The following CC2D1A variants were observed in gnomAD, a reference collection of about 807,000 sequenced individuals.
The protein encoded by CC2D1A is coiled-coil and C2 domain containing 1A, also known as coiled-coil and C2 domain-containing protein 1A.
Under a neutral mutation model 123.8 loss-of-function variants are expected in CC2D1A, and 68 were observed. The ratio of observed to expected loss-of-function variants is 0.55; its 90% CI spans 0.45 to 0.67. CC2D1A has a LOEUF of 0.67. CC2D1A is among the 30% of genes least tolerant of loss of function. CC2D1A has a pLI of 0.00. For synonymous variants in CC2D1A, 477 were observed against 528.0 expected (o/e 0.90, Z 1.32); for missense variants, 1,185 against 1,290.3 (o/e 0.92, Z 1.25).
chr19:13,913,046 C>A (rs1971058813), intron 4 of CC2D1A, 122 bp from the exon 5 acceptor site: 1 of 1,035,140 alleles, frequency 9.7e-7, no homozygotes, highest in Non-Finnish European at 1.4e-6. Flanking sequence ...ATGATTTCTG[C>A]CTCACTGGGG....
At position 13,914,756 on chromosome 19, in the gene CC2D1A, C is replaced by T. The variant is rs553927939; in HGVS notation, c.748+1118C>T. ...GCTCAAGCAATCCTCCCGCCTCAGC[C>T]TCCTGAGTAGCTGGGATTACAGGCA... On this transcript the variant is annotated intron_variant, in intron 6 of 28. Coordinates refer to ENST00000318003, the MANE Select transcript of CC2D1A (RefSeq NM_017721.5). 9.2e-5 allele frequency among the ~76,000 whole-genome samples: 14 copies of T among 152,250 alleles called. 1 individual carries two copies. The South Asian group carries it at 2.9e-3, about 32-fold the overall frequency.
chr19:13,917,755 G>A (rs751927656), intron 6 of CC2D1A, among the ~76,000 whole-genome samples: 2 of 152,124 alleles, frequency 1.3e-5, no homozygotes, highest in Non-Finnish European at 2.9e-5. Flanking sequence ...AAGGTGGGCG[G>A]ATCACCTGAG....
intron 6 of CC2D1A, among the ~76,000 whole-genome samples, chr19:13,916,607 T>C (rs1461704604): frequency 3.9e-5 from 6 of 152,118 alleles, no homozygotes; most frequent in African/African-American, 1.4e-4. Flanking sequence ...TACGTTTTGC[T>C]CAATTACATG....
At chr19:13,928,052 C>A in intron 23 of CC2D1A, 22 bp downstream of exon 23, 2 of 1,608,430 alleles carry the variant, frequency 1.2e-6, no homozygotes, top group South Asian at 1.1e-5. Flanking sequence ...CACCCCCACC[C>A]ATCAGCAACC....
chr19:13,930,517 C>A lies in CC2D1A; in HGVS notation c.*122C>A. ...CGGACAATCGGTTCTGGACTCACCC[C>A]TCATCCGGGCCCCCAGCCCCGCCAG... On this transcript the variant is annotated 3_prime_UTR_variant, in exon 29 of 29. Transcript: ENST00000318003. This position sits in a 1 kb window ranked among gnomAD's most constrained non-coding sequence, Gnocchi z 6.8. 2 of 1,173,774 alleles carry A rather than the reference C, an allele frequency of 1.7e-6. No individual in the cohort carries two copies. The highest frequency in any genetic ancestry group is 2.3e-6 in the Non-Finnish European group (2 of 857,536). 72.7% of individuals were successfully genotyped at this position (1,173,774 alleles called of 1,614,324 possible).
rs1319504985 is a variant in CC2D1A at position 13,928,148 on chromosome 19, G to T, written c.2479G>T (p.Ala827Ser). The change falls in exon 24 of 29, where the codon GCC (alanine) becomes TCC (serine). Residue 827 changes from alanine (A) to serine (S), a missense_variant. Transcript: ENST00000318003. ...GCAGGTTGCTGGGCCCAAAGGGAAG[G>T]CCCCTCCTGTGCCTGCCCCTGCAAG... Reference protein sequence around the residue: ...PTQVAGPKGKAPPVPAPARES... With the variant: ...PTQVAGPKGKSPPVPAPARES... 4.3e-6 allele frequency: 7 copies of T among 1,613,504 alleles called. No homozygotes were observed. Among genetic ancestry groups the T allele is most frequent in the Admixed American group, 1.7e-5 (1 of 59,956 alleles).
In CC2D1A at chr19:13,927,236, A is replaced by T. The variant is rs777248038; in HGVS notation, c.2287A>T (p.Ile763Leu). The T allele has an allele frequency of 1.9e-6, 3 of 1,614,074 alleles. No individual in the cohort carries two copies. The highest frequency in any genetic ancestry group is 8.5e-7 in the Non-Finnish European group (1 of 1,180,006). Reference protein sequence around the residue: ...TAQLKLDALEIACEVREILEV... With the variant: ...TAQLKLDALELACEVREILEV... ...CCAGCTGAAGCTGGATGCACTGGAG[A>T]TAGCATGTGAGGTCCGGGAGATCCT... The change falls in exon 22 of 29, where the codon ATA becomes TTA. Residue 763 changes from isoleucine (I) to leucine (L), a missense_variant. Physicochemically the swap from Ile to Leu is conservative, Grantham distance 5. Coordinates refer to ENST00000318003, the MANE Select transcript of CC2D1A (RefSeq NM_017721.5).
At chr19:13,927,697 A>C in intron 22 of CC2D1A, 196 bp from the exon 23 acceptor site, 1 of 622,754 alleles carries the variant, frequency 1.6e-6, no homozygotes, top group Non-Finnish European at 2.8e-6. Flanking sequence ...AGAATGGCGT[A>C]AGTAAACCCA....
chr19:13,908,319 T>A (rs374996262), intron 1 of CC2D1A, among the ~76,000 whole-genome samples: 4 of 152,068 alleles, frequency 2.6e-5, no homozygotes, highest in African/African-American at 9.7e-5. Context: ...CTAATTTTTG[T>A]ATTTTTAGTA....
Position 13,929,545 on chromosome 19 carries a change from C to T in CC2D1A, c.2595C>T (p.Leu865=), listed in dbSNP as rs1402899377. The change falls in exon 26 of 29, where the codon CTC becomes CTT. Residue 865 remains leucine (L), a synonymous_variant. Coordinates refer to ENST00000318003, the MANE Select transcript of CC2D1A (RefSeq NM_017721.5). Reference sequence around the variant, plus strand: ...TCTGTATCCTCTAGATCCTGGCCCTCAGGCAGGCGCGGCGGCCGGTGCCCC... The same window carrying T: ...TCTGTATCCTCTAGATCCTGGCCCTTAGGCAGGCGCGGCGGCCGGTGCCCC... ...QERLERKILA[L]RQARRPVPPE... is the part of the protein sequence containing the mutation. The T allele has an allele frequency of 1.9e-6, 3 of 1,611,710 alleles. No homozygotes were observed. The South Asian group carries it at 3.3e-5, about 18-fold the overall frequency.
chr19:13,910,206 G>A lies in CC2D1A; in HGVS notation c.196+248G>A, dbSNP rs577657306. ...GAGGTCAGGAGATTGAGACCATCCCGGCTAACACGGTGAAACTCTGTCTCT... is the reference window on the plus strand; with the variant it reads ...GAGGTCAGGAGATTGAGACCATCCCAGCTAACACGGTGAAACTCTGTCTCT... On this transcript the variant is annotated intron_variant, in intron 2 of 28. Transcript: ENST00000318003. 6.6e-5 allele frequency among the ~76,000 whole-genome samples: 10 copies of A among 150,740 alleles called. No homozygotes were observed. In the South Asian group the frequency reaches 8.5e-4, roughly 13 times the overall value.
At position 13,912,387 on chromosome 19, in the gene CC2D1A, T is replaced by G; in HGVS notation, c.261T>G (p.Asp87Glu). ...ASLCMRDPDE[D>E]EEEGTDEDDL... ...TGTGCATGAGAGACCCGGATGAGGA[T>G]GAGGAGGAGGGGACGGATGAGGACG... The change falls in exon 3 of 29, where the codon GAT (aspartate) becomes GAG (glutamate). Residue 87 changes from aspartate (D) to glutamate (E), a missense_variant. Transcript: ENST00000318003. 1 of 1,613,284 alleles carries G rather than the reference T, an allele frequency of 6.2e-7. No homozygotes were observed. The highest frequency in any genetic ancestry group is 1.1e-5 in the South Asian group (1 of 90,934).
chr19:13,929,748 G>A (rs2145383275), intron 26 of CC2D1A, 88 bp downstream of exon 26: 2 of 464,352 alleles, frequency 4.3e-6, no homozygotes, highest in East Asian at 8.5e-5. Flanking sequence ...TATCTGGTGG[G>A]GGAGGGGCTC....
chr19:13,913,055 G>A (rs1038412577), intron 4 of CC2D1A, 113 bp from the exon 5 acceptor site: 9 of 1,130,862 alleles, frequency 8.0e-6, no homozygotes, highest in South Asian at 1.7e-5. Context: ...GCCTCACTGG[G>A]GCAGGGGAGG....
chr19:13,920,547 T>C lies in CC2D1A; in HGVS notation c.1357-10T>C. 6.6e-7 allele frequency: 1 copy of C among 1,510,066 alleles called. No homozygotes were observed. Among genetic ancestry groups the C allele is most frequent in the Non-Finnish European group, 9.2e-7 (1 of 1,091,146 alleles). 93.5% of individuals were successfully genotyped at this position (1,510,066 alleles called of 1,614,324 possible). A position where few individuals can be genotyped will look rare whatever the true frequency, so the allele number is the denominator to read the frequency against. On this transcript the variant is annotated splice_polypyrimidine_tract_variant and intron_variant, in intron 12 of 28. Transcript: ENST00000318003. Reference sequence around the variant, plus strand: ...ACGAAATCTCTAACATCCTCTCTCTTCCTCTACAGCAGAACAGCCCTGTGG... The same window carrying C: ...ACGAAATCTCTAACATCCTCTCTCTCCCTCTACAGCAGAACAGCCCTGTGG...
chr19:13,919,653 G>A, intron 11 of CC2D1A, 165 bp from the exon 12 acceptor site: 2 of 561,298 alleles, frequency 3.6e-6, no homozygotes, highest in Non-Finnish European at 5.7e-6. Flanking sequence ...ACTCCAGCCT[G>A]GGCAACAGAG....
At chr19:13,924,530 C>T (rs974351169) in intron 17 of CC2D1A, among the ~76,000 whole-genome samples, 9 of 151,458 alleles carry the variant, frequency 5.9e-5, no homozygotes, top group East Asian at 1.9e-4. Flanking sequence ...AGTACAGTGG[C>T]GCAATCTCAG....
chr19:13,920,255 A>T, intron 12 of CC2D1A: 1 of 515,298 alleles, frequency 1.9e-6, no homozygotes. Context: ...CATCTCCAAG[A>T]CAATTAAAAA....
At chr19:13,927,532 A>G (rs1281566903) in intron 22 of CC2D1A, 1 of 491,508 alleles carries the variant, frequency 2.0e-6, no homozygotes, top group East Asian at 3.6e-5. Flanking sequence ...TAATCCCAGC[A>G]CTTTGGGAGG....
Sources: gnomAD v4.1 joint callset for allele counts (sites outside exome capture counted in the v4.1 genomes callset) on GRCh38, gnomAD v4.1.1 for gene constraint, Gnocchi (gnomAD v3.1) non-coding constraint, MANE v1.5 for transcripts, NCBI Gene and HGNC (gene_info 2026-07-23, HGNC 2026-07-21) for gene names.